Variants in NEK7 observed in about 807,000 individuals in gnomAD.
NEK7 encodes the protein serine/threonine-protein kinase Nek7.
Under a neutral mutation model 44.6 loss-of-function variants are expected in NEK7, and 18 were observed. The observed-to-expected ratio is 0.40, with a 90% confidence interval of 0.28 to 0.60. The LOEUF (loss-of-function observed/expected upper bound fraction) is 0.60, where lower values mean the gene tolerates loss of function less well. Ranked by LOEUF, NEK7 falls within the 20% of genes least tolerant of loss-of-function variation. NEK7 has a pLI of 0.38. For synonymous variants in NEK7, 130 were observed against 121.1 expected, an observed-to-expected ratio of 1.07 and a Z score of -0.48; for missense variants, 256 against 366.5, an observed-to-expected ratio of 0.70 and a Z score of 2.46.
intron 1 of NEK7, among the ~76,000 whole-genome samples, chr1:198,224,650 T>TTA (rs200229636): frequency 0.012 from 1,817 of 151,670 alleles, 39 homozygotes; most frequent in African/African-American, 0.039. Flanking sequence ...GCTATTTATT[T>TTA]TATATATATA....
intron 3 of NEK7, chr1:198,256,267 T>G: frequency 6.9e-7 from 1 of 1,456,868 alleles, no homozygotes; most frequent in South Asian, 1.6e-5. Context: ...CCACTCCATT[T>G]AGTTCACTGA....
At chr1:198,235,957 C>T (rs1571558873) in intron 2 of NEK7, among the ~76,000 whole-genome samples, 1 of 152,162 alleles carries the variant, frequency 6.6e-6, no homozygotes, top group East Asian at 1.9e-4. Context: ...GCAACTTAAC[C>T]AGTAAGGTAG....
rs535889500 is a variant in NEK7, at chr1:198,173,392, A to G, written c.-29+16116A>G. ...TATAGTGAGCTATGATTGTGCCACT[A>G]TACTCTGGCCTGGGAGTCAAAGTGA... On this transcript the variant is annotated intron_variant, in intron 1 of 9. Coordinates refer to ENST00000367385, the MANE Select transcript of NEK7 (RefSeq NM_133494.3). Among the ~76,000 whole-genome samples, 317 of 151,416 alleles carry G rather than the reference A, an allele frequency of 2.1e-3. 3 individuals are homozygous for G. The highest frequency in any genetic ancestry group is 6.8e-3 in the Middle Eastern group (2 of 294).
chr1:198,159,964 C>G (rs552519040), intron 1 of NEK7, among the ~76,000 whole-genome samples: 30 of 152,312 alleles, frequency 2.0e-4, no homozygotes, highest in African/African-American at 7.0e-4. Flanking sequence ...CTGGTGCTTG[C>G]AGTTGATAGT....
At chr1:198,306,272 A>G (rs1159610337) in intron 9 of NEK7, among the ~76,000 whole-genome samples, 1 of 152,158 alleles carries the variant, frequency 6.6e-6, no homozygotes, top group African/African-American at 2.4e-5. Context: ...CAGAGACCAT[A>G]AGGAGATATA....
intron 1 of NEK7, among the ~76,000 whole-genome samples, chr1:198,203,502 T>A (rs1665498707): frequency 6.6e-6 from 1 of 152,236 alleles, no homozygotes. Flanking sequence ...TCTGTTACTT[T>A]AATGTCTAGG....
intron 7 of NEK7, among the ~76,000 whole-genome samples, chr1:198,286,694 T>C (rs1349386296): frequency 6.6e-6 from 1 of 152,212 alleles, no homozygotes; most frequent in African/African-American, 2.4e-5. Context: ...TCAAGGTATC[T>C]GTAGGATTGC....
At chr1:198,176,888 G>A (rs1313641829) in intron 1 of NEK7, among the ~76,000 whole-genome samples, 1 of 152,098 alleles carries the variant, frequency 6.6e-6, no homozygotes, top group Non-Finnish European at 1.5e-5. Flanking sequence ...GAGTGTTCAA[G>A]ATTTTAGACA....
intron 9 of NEK7, among the ~76,000 whole-genome samples, chr1:198,306,258 A>G (rs1404870457): frequency 5.9e-5 from 9 of 152,188 alleles, no homozygotes; most frequent in Admixed American, 2.6e-4. Context: ...CCCTAGAGTT[A>G]TCTCAGAGAC....
intron 3 of NEK7, among the ~76,000 whole-genome samples, chr1:198,256,878 A>G (rs527641104): frequency 5.8e-4 from 89 of 152,192 alleles, no homozygotes; most frequent in Non-Finnish European, 1.1e-3. Flanking sequence ...TTGATCTGGT[A>G]TATGCAATCT....
At chr1:198,178,270 C>T (rs1292439922) in intron 1 of NEK7, among the ~76,000 whole-genome samples, 1 of 152,004 alleles carries the variant, frequency 6.6e-6, no homozygotes, top group African/African-American at 2.4e-5. Context: ...AGACTAATGA[C>T]TATGGAAGAA....
intron 6 of NEK7, 46 bp from the exon 7 acceptor site, chr1:198,278,908 C>A (rs375630392): frequency 6.8e-6 from 7 of 1,028,192 alleles, no homozygotes; most frequent in Non-Finnish European, 1.0e-5. Flanking sequence ...TTTAAAATTT[C>A]TAAAATGTCT....
rs1437642730 is a variant in NEK7 at position 198,319,501 on chromosome 1, T to C, written c.888T>C (p.His296=). ...TYVYDVAKRM[H]ACTASS Reference sequence around the variant, plus strand: ...TTTATGACGTAGCAAAGAGGATGCATGCATGCACTGCAAGCAGCTAAACAT... The same window carrying C: ...TTTATGACGTAGCAAAGAGGATGCACGCATGCACTGCAAGCAGCTAAACAT... The change falls in exon 10 of 10, where the codon CAT becomes CAC. Residue 296 remains histidine (H), a synonymous_variant. Transcript: ENST00000367385. 1.4e-5 allele frequency: 22 copies of C among 1,611,698 alleles called. 1 individual carries two copies. The highest frequency in any genetic ancestry group is 1.9e-5 in the Non-Finnish European group (22 of 1,178,644).
intron 1 of NEK7, among the ~76,000 whole-genome samples, chr1:198,195,402 T>G (rs1665200289): frequency 6.6e-6 from 1 of 152,242 alleles, no homozygotes; most frequent in African/African-American, 2.4e-5. Flanking sequence ...TTATGGATGC[T>G]TATTCTAGAG....
At chr1:198,217,551 A>G (rs879689614) in intron 1 of NEK7, among the ~76,000 whole-genome samples, 1 of 152,126 alleles carries the variant, frequency 6.6e-6, no homozygotes, top group East Asian at 1.9e-4. Context: ...TACTTTCACC[A>G]TTTCTATTCA....
rs1655185239 is a variant in NEK7, at chr1:198,311,620, C to CT, written c.799-7791dup. Among the ~76,000 whole-genome samples the CT allele has an allele frequency of 6.6e-5, 10 of 152,058 alleles. No individual in the cohort carries two copies. The South Asian group carries it at 2.1e-3, about 32-fold the overall frequency. ...ATTTTGAGATATGTCCCATCAATAC[C>CT]TAATTTATTGAGAGTTTTTAGCATG... On this transcript the variant is annotated intron_variant, in intron 9 of 9. Coordinates refer to ENST00000367385, the MANE Select transcript of NEK7 (RefSeq NM_133494.3).
Position 198,177,107 on chromosome 1 carries a change from G to T in NEK7, c.-29+19831G>T, listed in dbSNP as rs534671443. On this transcript the variant is annotated intron_variant, in intron 1 of 9. Transcript: ENST00000367385. ...CTTGTTTATTGATCACAGAGCAAAAGACTCATTTTGTGTAGAAACGATAAA... is the reference window on the plus strand; with the variant it reads ...CTTGTTTATTGATCACAGAGCAAAATACTCATTTTGTGTAGAAACGATAAA... Among the ~76,000 whole-genome samples the T allele has an allele frequency of 4.7e-4, 72 of 152,168 alleles. 1 individual carries two copies. Among genetic ancestry groups the T allele is most frequent in the African/African-American group, 1.7e-3 (71 of 41,556 alleles).
intron 1 of NEK7, among the ~76,000 whole-genome samples, chr1:198,189,701 G>A (rs1437832725): frequency 6.6e-6 from 1 of 152,094 alleles, no homozygotes; most frequent in East Asian, 1.9e-4. Flanking sequence ...GGGACAAACA[G>A]CTTAAAGTTA....
chr1:198,292,235 A>C (rs1654581130), intron 7 of NEK7, among the ~76,000 whole-genome samples: 1 of 152,090 alleles, frequency 6.6e-6, no homozygotes, highest in African/African-American at 2.4e-5. Context: ...CTTCTAAAAC[A>C]GTCATTAAAA....
Sources: gnomAD v4.1 joint callset for allele counts (sites outside exome capture counted in the v4.1 genomes callset) on GRCh38, gnomAD v4.1.1 for gene constraint, MANE v1.5 for transcripts, NCBI Gene and HGNC (gene_info 2026-07-23, HGNC 2026-07-21) for gene names.